Variants in ZHX2 observed in about 807,000 individuals in gnomAD.
The protein encoded by ZHX2 is zinc fingers and homeoboxes protein 2.
A neutral mutation model predicts 21.9 loss-of-function variants in ZHX2; 6 were observed. The observed-to-expected ratio is 0.27, with a 90% CI of 0.15 to 0.54. The LOEUF (loss-of-function observed/expected upper bound fraction) is 0.54. Ranked by LOEUF, ZHX2 falls within the 20% of genes least tolerant of loss-of-function variation. The pLI, the probability that ZHX2 is intolerant of heterozygous loss-of-function variation, is 0.95. For synonymous variants in ZHX2, 434 were observed against 437.1 expected, an observed-to-expected ratio of 0.99 and a Z score of 0.09; for missense variants, 908 against 1,090.7, an observed-to-expected ratio of 0.83 and a Z score of 2.36.
intron 1 of ZHX2, among the ~76,000 whole-genome samples, chr8:122,786,731 T>C (rs1817403772): frequency 6.8e-6 from 1 of 147,532 alleles, no homozygotes; most frequent in Admixed American, 6.8e-5. Flanking sequence ...CCACCCCCAG[T>C]ACACACATGC....
chr8:122,840,446 A>T (rs927473889), intron 1 of ZHX2, among the ~76,000 whole-genome samples: 1 of 152,224 alleles, frequency 6.6e-6, no homozygotes, highest in Non-Finnish European at 1.5e-5. Flanking sequence ...GCAAAATGGG[A>T]ATAATGATAG....
At chr8:122,781,462 G>GC, upstream of ZHX2, 1 of 152,014 alleles carries the variant, frequency 6.6e-6, no homozygotes. The surrounding 1 kb of genome is among the most constrained non-coding windows in gnomAD (Gnocchi z 4.6). Context: ...TTAATTTACT[G>GC]CCCCCCTACC....
At position 122,810,834 on chromosome 8, in the gene ZHX2, C is replaced by G. The variant is rs145783443; in HGVS notation, c.-283+28888C>G. Reference sequence around the variant, plus strand: ...TACTTTAAGTTTTAGGGTACGTGTGCACATTGTGCAGGTTAGTTACATATG... The same window carrying G: ...TACTTTAAGTTTTAGGGTACGTGTGGACATTGTGCAGGTTAGTTACATATG... On this transcript the variant is annotated intron_variant, in intron 1 of 3. Transcript: ENST00000314393. Among the ~76,000 whole-genome samples the G allele has an allele frequency of 4.9e-3, 738 of 151,888 alleles. 5 individuals are homozygous for G. Among genetic ancestry groups the G allele is most frequent in the African/African-American group, 0.017 (716 of 41,412 alleles).
At position 122,952,806 on chromosome 8, in the gene ZHX2, G is replaced by A; in HGVS notation, c.1296G>A (p.Lys432=). ...CTCAGGTGCCAGAGCCCCCACCCAA[G>A]GTGGCCAACCCCCCGCTCACACCAG... The part of the protein sequence containing the change: ...HIAQVPEPPP[K]VANPPLTPAS... Residue 432 remains lysine (K), a synonymous_variant, in exon 3 of 4, where the codon AAG becomes AAA. Coordinates refer to ENST00000314393, the MANE Select transcript of ZHX2 (RefSeq NM_014943.5). This position sits in a 1 kb window ranked among gnomAD's most constrained non-coding sequence, Gnocchi z 6.9. 6.2e-7 allele frequency: 1 copy of A among 1,614,036 alleles called. No individual in the cohort carries two copies. The highest frequency in any genetic ancestry group is 1.3e-5 in the African/African-American group (1 of 75,004).
chr8:122,968,114 A>T (rs1022467145), intron 3 of ZHX2, among the ~76,000 whole-genome samples: 1 of 152,158 alleles, frequency 6.6e-6, no homozygotes, highest in South Asian at 2.1e-4. Flanking sequence ...ATCCACCCCT[A>T]CACCCACACA....
In ZHX2 at chr8:122,952,761, A is replaced by G. The variant is rs769439297; in HGVS notation, c.1251A>G (p.Glu417=). 17 of 1,613,898 alleles carry G rather than the reference A, an allele frequency of 1.1e-5. No individual in the cohort carries two copies. The highest frequency in any genetic ancestry group is 4.5e-5 in the East Asian group (2 of 44,854). Residue 417 remains glutamate (E), a synonymous_variant, in exon 3 of 4, where the codon GAA becomes GAG. Transcript: ENST00000314393. This position sits in a 1 kb window ranked among gnomAD's most constrained non-coding sequence, Gnocchi z 6.9. ...TGGTGACTCCCCAAGCTGCCCCCGAACCCAAGCGTCCACACATCGCTCAGG... is the reference window on the plus strand; with the variant it reads ...TGGTGACTCCCCAAGCTGCCCCCGAGCCCAAGCGTCCACACATCGCTCAGG... ...RPLVTPQAAP[E]PKRPHIAQVP...
intron 1 of ZHX2, among the ~76,000 whole-genome samples, chr8:122,822,921 G>T (rs957175805): frequency 2.6e-4 from 40 of 152,328 alleles, no homozygotes; most frequent in Admixed American, 1.3e-3. Context: ...AATAGGACTT[G>T]AATACATAAT....
chr8:122,876,222 G>A (rs974139348), intron 2 of ZHX2, among the ~76,000 whole-genome samples: 1 of 151,768 alleles, frequency 6.6e-6, no homozygotes, highest in African/African-American at 2.4e-5. Flanking sequence ...CTGACAACTG[G>A]GGCAAACCCC....
chr8:122,802,157 C>T (rs911806547), intron 1 of ZHX2, among the ~76,000 whole-genome samples: 38 of 152,244 alleles, frequency 2.5e-4, no homozygotes, highest in African/African-American at 7.0e-4. Context: ...TCCACCTCCC[C>T]GGTTCCAGCG....
chr8:122,787,088 G>GGTGT (rs35726514), intron 1 of ZHX2, among the ~76,000 whole-genome samples: 14,432 of 148,486 alleles, frequency 0.097, 781 homozygotes, highest in East Asian at 0.13. Context: ...GATTGGCAGT[G>GGTGT]GTGTGTGTGT....
At chr8:122,931,128 C>T (rs1292301490) in intron 2 of ZHX2, among the ~76,000 whole-genome samples, 1 of 152,174 alleles carries the variant, frequency 6.6e-6, no homozygotes, top group Non-Finnish European at 1.5e-5. Context: ...TGGAGCTGAA[C>T]ACCATCAGGT....
intron 1 of ZHX2, among the ~76,000 whole-genome samples, chr8:122,796,103 A>C (rs1291054935): frequency 6.6e-6 from 1 of 151,622 alleles, no homozygotes; most frequent in Non-Finnish European, 1.5e-5. Context: ...CCCAGGAGGC[A>C]GAGGCTGCAG....
At chr8:122,780,676 C>A (rs1194342643), upstream of ZHX2, 3 of 152,214 alleles carry the variant, frequency 2.0e-5, no homozygotes, top group Admixed American at 2.0e-4. Context: ...TGCTCTAAGG[C>A]GCCTAGGGGA....
chr8:122,890,823 A>G (rs536762402), intron 2 of ZHX2, among the ~76,000 whole-genome samples: 9 of 152,244 alleles, frequency 5.9e-5, no homozygotes, highest in African/African-American at 2.2e-4. Context: ...CTTCAACTTT[A>G]CTAAATTCAT....
intron 2 of ZHX2, among the ~76,000 whole-genome samples, chr8:122,914,422 C>G (rs756810294): frequency 1.3e-5 from 2 of 152,248 alleles, no homozygotes; most frequent in Non-Finnish European, 2.9e-5. Flanking sequence ...TTGCCTTCGA[C>G]TGACAAAGCA....
chr8:122,954,119 A>AC, intron 3 of ZHX2, 91 bp downstream of exon 3: 1 of 1,171,282 alleles, frequency 8.5e-7, no homozygotes, highest in South Asian at 1.7e-5. Context: ...GGGTACAGAG[A>AC]TGTTGACACA....
chr8:122,962,493 T>C (rs1309353916), intron 3 of ZHX2, among the ~76,000 whole-genome samples: 3 of 152,248 alleles, frequency 2.0e-5, no homozygotes, highest in Admixed American at 2.0e-4. Flanking sequence ...CCATGGTATA[T>C]ACATACCACA....
chr8:122,880,015 C>T (rs1819670940), intron 2 of ZHX2, among the ~76,000 whole-genome samples: 1 of 148,998 alleles, frequency 6.7e-6, no homozygotes, highest in Admixed American at 6.7e-5. Context: ...CTCTGTTGTC[C>T]AGGCTAGAGT....
intron 1 of ZHX2, among the ~76,000 whole-genome samples, chr8:122,803,891 G>A (rs1030768869): frequency 6.6e-6 from 1 of 152,078 alleles, no homozygotes; most frequent in Admixed American, 6.6e-5. Context: ...CCTGCTGGGC[G>A]GCCTGTTTGA....
Sources: allele counts gnomAD v4.1 joint callset (sites outside exome capture counted in the v4.1 genomes callset), GRCh38; gene constraint gnomAD v4.1.1; non-coding constraint Gnocchi (gnomAD v3.1); transcripts MANE v1.5; gene names NCBI Gene and HGNC (gene_info 2026-07-23, HGNC 2026-07-21).